DNAJB6: variants seen among roughly 807,000 people sequenced by gnomAD.
DNAJB6 encodes the protein dnaJ homolog subfamily B member 6.
In DNAJB6, 16 loss-of-function variants were observed where a neutral mutation model predicts 42.7. That is an observed-to-expected ratio of 0.37 (90% CI 0.25 to 0.57). The LOEUF is 0.57. DNAJB6 is among the 20% of genes least tolerant of loss of function. DNAJB6 has a pLI of 0.74. For missense variants in DNAJB6, 347 were observed against 416.8 expected (o/e 0.83, Z 1.46); for synonymous variants, 170 against 163.5 (o/e 1.04, Z -0.30).
At chr7:157,354,853 A>G (rs1799191062) in intron 1 of DNAJB6, among the ~76,000 whole-genome samples, 1 of 152,194 alleles carries the variant, frequency 6.6e-6, no homozygotes, top group Non-Finnish European at 1.5e-5. Context: ...AACATTTCAC[A>G]GGCACCTCGG....
At chr7:157,361,521 A>T (rs1799596790) in intron 2 of DNAJB6, among the ~76,000 whole-genome samples, 1 of 152,156 alleles carries the variant, frequency 6.6e-6, no homozygotes, top group South Asian at 2.1e-4. Flanking sequence ...CTCCAGCTTT[A>T]ATCAGATTTT....
chr7:157,346,641 G>A (rs778203798), intron 1 of DNAJB6, among the ~76,000 whole-genome samples: 46 of 152,270 alleles, frequency 3.0e-4, no homozygotes, highest in Admixed American at 2.2e-3. Context: ...AGGTAGCCTT[G>A]AAATTCTGAG....
At chr7:157,347,480 T>C (rs967495610) in intron 1 of DNAJB6, among the ~76,000 whole-genome samples, 16 of 152,242 alleles carry the variant, frequency 1.1e-4, no homozygotes, top group African/African-American at 3.9e-4. Context: ...TCACTGGGAC[T>C]TTAGGTGCAC....
chr7:157,363,419 A>G (rs943700269), intron 3 of DNAJB6, 149 bp downstream of exon 3: 44 of 553,544 alleles, frequency 7.9e-5, no homozygotes, highest in Non-Finnish European at 1.4e-4. Context: ...AGAGATTTTT[A>G]CTTTTCTCGT....
chr7:157,386,049 A>G, intron 8 of DNAJB6: 1 of 987,528 alleles, frequency 1.0e-6, no homozygotes, highest in African/African-American at 1.7e-5. Context: ...ATTCTTCTAC[A>G]GAAATAATTT....
chr7:157,381,402 G>A (rs1252869746), intron 5 of DNAJB6: 2 of 151,974 alleles, frequency 1.3e-5, no homozygotes, highest in East Asian at 3.9e-4. Flanking sequence ...AATTATTAAC[G>A]CAGAACCCAG....
At chr7:157,413,126 G>A (rs375633261) in intron 9 of DNAJB6, 12 of 152,148 alleles carry the variant, frequency 7.9e-5, no homozygotes, top group African/African-American at 2.9e-4. Flanking sequence ...CCCAGCGCTC[G>A]CCCTGCCTGC....
At position 157,410,131 on chromosome 7, in the gene DNAJB6, G is replaced by A. The variant is rs6972263; in HGVS notation, c.898+130G>A. 0.028 allele frequency: 39,334 copies of A among 1,413,696 alleles called. 619 individuals carry two copies. The highest frequency in any genetic ancestry group is 0.033 in the Admixed American group (1,114 of 33,402). 87.6% of individuals were successfully genotyped at this position (1,413,696 alleles called of 1,614,324 possible). ...TGAGCGGGCGTGGGCGGTCGGGCGGGGCGGGAGGAGGTAGCCTCGCTCTGC... is the reference window on the plus strand; with the variant it reads ...TGAGCGGGCGTGGGCGGTCGGGCGGAGCGGGAGGAGGTAGCCTCGCTCTGC... On this transcript the variant is annotated intron_variant, in intron 9 of 9. Coordinates refer to ENST00000262177, the MANE Select transcript of DNAJB6 (RefSeq NM_058246.4).
intron 1 of DNAJB6, chr7:157,337,918 C>T (rs1043305110): frequency 8.5e-5 from 6 of 70,954 alleles, no homozygotes; most frequent in East Asian, 9.3e-4. Context: ...ACGTAAACTT[C>T]TGTGCTAACT....
chr7:157,339,050 C>T (rs1025128178), intron 1 of DNAJB6, among the ~76,000 whole-genome samples: 1 of 152,142 alleles, frequency 6.6e-6, no homozygotes, highest in African/African-American at 2.4e-5. Flanking sequence ...GACAGTTTTT[C>T]CGGAACACTA....
intron 1 of DNAJB6, among the ~76,000 whole-genome samples, chr7:157,338,576 C>G (rs1798172148): frequency 6.6e-6 from 1 of 152,184 alleles, no homozygotes; most frequent in African/African-American, 2.4e-5. Flanking sequence ...CTAAAGTGAT[C>G]GCCTGCCTCG....
At chr7:157,361,083 CTT>C (rs576552792) in intron 2 of DNAJB6, among the ~76,000 whole-genome samples, 55 of 151,476 alleles carry the variant, frequency 3.6e-4, no homozygotes, top group Non-Finnish European at 7.1e-4. Context: ...CATTTTTTCT[CTT>C]TTGTCTTTTG....
chr7:157,410,071 GAC>G, intron 9 of DNAJB6, 70 bp downstream of exon 9: 1 of 1,466,596 alleles, frequency 6.8e-7, no homozygotes, highest in Non-Finnish European at 9.0e-7. Flanking sequence ...GGACAGCGAG[GAC>G]ACAAACCGCG....
At chr7:157,406,834 C>T (rs1795783816) in intron 8 of DNAJB6, among the ~76,000 whole-genome samples, 2 of 152,386 alleles carry the variant, frequency 1.3e-5, no homozygotes, top group South Asian at 4.1e-4. Flanking sequence ...TCTTAAGTCT[C>T]AGCGGGGCCT....
chr7:157,353,123 T>A (rs1227487193), intron 1 of DNAJB6, among the ~76,000 whole-genome samples: 1 of 150,630 alleles, frequency 6.6e-6, no homozygotes, highest in Admixed American at 6.8e-5. Flanking sequence ...AGACAGGGTT[T>A]CGCCGTGTTG....
chr7:157,360,048 A>G (rs1262801860), intron 2 of DNAJB6, among the ~76,000 whole-genome samples: 1 of 152,218 alleles, frequency 6.6e-6, no homozygotes, highest in African/African-American at 2.4e-5. Context: ...TATAAGACGA[A>G]GACAGTTGGG....
chr7:157,407,105 G>T (rs533150253), intron 8 of DNAJB6, among the ~76,000 whole-genome samples: 1 of 152,248 alleles, frequency 6.6e-6, no homozygotes, highest in South Asian at 2.1e-4. Flanking sequence ...GAGGTGGGGG[G>T]GGTCCCAACC....
intron 8 of DNAJB6, among the ~76,000 whole-genome samples, chr7:157,393,921 G>T (rs1451379040): frequency 6.6e-6 from 1 of 152,158 alleles, no homozygotes; most frequent in Non-Finnish European, 1.5e-5. Context: ...TAATTTATGT[G>T]TTCACTGGAA....
At chr7:157,403,012 G>C (rs1020805199) in intron 8 of DNAJB6, among the ~76,000 whole-genome samples, 4 of 152,204 alleles carry the variant, frequency 2.6e-5, no homozygotes, top group Admixed American at 6.5e-5. Context: ...GACGACAGGT[G>C]CCCGAGGTGG....
Sources: allele counts gnomAD v4.1 joint callset (sites outside exome capture counted in the v4.1 genomes callset), GRCh38; gene constraint gnomAD v4.1.1; transcripts MANE v1.5; gene names NCBI Gene and HGNC (gene_info 2026-07-23, HGNC 2026-07-21).